Variants in MYO18B observed in about 807,000 individuals in gnomAD.
MYO18B encodes myosin XVIIIB, also known as unconventional myosin-XVIIIb.
MYO18B carries 204 observed loss-of-function variants against 273.0 expected under a neutral mutation model. That is an observed-to-expected ratio of 0.75 (90% CI 0.67 to 0.84). MYO18B has a LOEUF of 0.84. Among genes scored for constraint, MYO18B ranks in the 40% least tolerant of loss-of-function variants. MYO18B has a pLI of 0.00. For missense variants in MYO18B, 3,212 were observed against 3,287.6 expected, an observed-to-expected ratio of 0.98 and a Z score of 0.56; for synonymous variants, 1,330 against 1,305.7, an observed-to-expected ratio of 1.02 and a Z score of -0.40.
chr22:25,925,311 GGGGGGAACCATA>G (rs1366920274), intron 34 of MYO18B, among the ~76,000 whole-genome samples: 2 of 151,130 alleles, frequency 1.3e-5, no homozygotes, highest in African/African-American at 2.4e-5. Flanking sequence ...AAGGGGTTCT[GGGGGGAACCATA>G]GGCTTTATTT....
At position 26,027,587 on chromosome 22, in the gene MYO18B, G is replaced by A. The variant is rs746126790; in HGVS notation, c.7613G>A (p.Gly2538Asp). The change falls in exon 43 of 44, where the codon GGC (glycine) becomes GAC (aspartate). Residue 2538 changes from glycine to aspartate, a missense_variant. Gly to Asp is a moderately conservative substitution (Grantham distance 94). Transcript: ENST00000335473. This position sits in a 1 kb window ranked among gnomAD's most constrained non-coding sequence, Gnocchi z 4.1. The stretch of plus-strand genomic sequence containing the variant: ...ATCCCACGACTTGCGGGTGACGGTG[G>A]CGAGCGAACGTCCCCCGAGCGGAGA... The part of the protein sequence containing the change: ...PGIPRLAGDG[G>D]ERTSPERREP... 4 of 1,613,990 alleles carry A rather than the reference G, an allele frequency of 2.5e-6. No homozygotes were observed. The highest frequency in any genetic ancestry group is 1.3e-5 in the African/African-American group (1 of 75,038).
At chr22:25,763,009 G>A (rs887254249) in intron 2 of MYO18B, 20 of 718,432 alleles carry the variant, frequency 2.8e-5, no homozygotes, top group South Asian at 1.5e-4. Context: ...ACATTGACCC[G>A]CATAATTCCT....
chr22:25,751,093 C>T (rs1050111877), intron 1 of MYO18B, among the ~76,000 whole-genome samples: 8 of 152,230 alleles, frequency 5.3e-5, no homozygotes, highest in Non-Finnish European at 1.2e-4. Flanking sequence ...GAATCCACCT[C>T]TTCGGATGGA....
intron 12 of MYO18B, among the ~76,000 whole-genome samples, chr22:25,802,433 T>A (rs755465380): frequency 2.6e-5 from 4 of 152,094 alleles, no homozygotes; most frequent in Admixed American, 6.6e-5. Flanking sequence ...AATCTCCAGC[T>A]CTTCTGTCAC....
chr22:25,842,895 A>C (rs979503943), intron 17 of MYO18B, among the ~76,000 whole-genome samples: 9 of 152,122 alleles, frequency 5.9e-5, no homozygotes, highest in Non-Finnish European at 8.8e-5. Context: ...CATAAACAAC[A>C]CTTTGTGATT....
chr22:25,880,681 A>T (rs1479450142), intron 25 of MYO18B, among the ~76,000 whole-genome samples: 1 of 152,260 alleles, frequency 6.6e-6, no homozygotes, highest in Admixed American at 6.5e-5. Context: ...GAAGGAGGGA[A>T]AGTCCCTGTC....
chr22:25,750,554 T>C (rs1453276408), intron 1 of MYO18B, among the ~76,000 whole-genome samples: 1 of 152,182 alleles, frequency 6.6e-6, no homozygotes, highest in Non-Finnish European at 1.5e-5. Flanking sequence ...AGCTCCATGC[T>C]GGTGTTCTCA....
chr22:26,044,947 G>A, the MYO18B span, among the ~76,000 whole-genome samples: 1 of 152,154 alleles, frequency 6.6e-6, no homozygotes, highest in Admixed American at 6.5e-5. Context: ...GTGGCAAATT[G>A]TAATCATGGC....
chr22:25,896,889 CTG>C (rs1569164403), intron 28 of MYO18B: 1 of 152,158 alleles, frequency 6.6e-6, no homozygotes, highest in East Asian at 1.9e-4. Flanking sequence ...AGAATTAGCT[CTG>C]TGCATCTCTT....
intron 13 of MYO18B, among the ~76,000 whole-genome samples, chr22:25,824,518 C>T (rs2089416384): frequency 6.6e-6 from 1 of 152,160 alleles, no homozygotes; most frequent in African/African-American, 2.4e-5. Context: ...TCTGCAGCCT[C>T]TGTGCATCTT....
chr22:25,745,152 C>T (rs2085740206), intron 1 of MYO18B, among the ~76,000 whole-genome samples: 1 of 152,190 alleles, frequency 6.6e-6, no homozygotes, highest in African/African-American at 2.4e-5. Context: ...CTCTATCACC[C>T]AGGCTGGTGT....
chr22:25,860,464 C>A (rs1473958927), intron 21 of MYO18B, among the ~76,000 whole-genome samples: 3 of 151,928 alleles, frequency 2.0e-5, no homozygotes, highest in Non-Finnish European at 4.4e-5. Context: ...AATCCTTCTC[C>A]TCTTCCAATA....
chr22:25,910,150 G>A (rs530854157), intron 32 of MYO18B, among the ~76,000 whole-genome samples: 1 of 152,346 alleles, frequency 6.6e-6, no homozygotes, highest in East Asian at 1.9e-4. Flanking sequence ...TCAGATGTCT[G>A]AGTTCAGGCT....
At chr22:25,950,013 T>C (rs1408659949) in intron 36 of MYO18B, among the ~76,000 whole-genome samples, 1 of 152,150 alleles carries the variant, frequency 6.6e-6, no homozygotes, top group African/African-American at 2.4e-5. Flanking sequence ...AAGGCCAGGG[T>C]CCAGGTCTAG....
At chr22:26,028,763 C>T (rs1936479436) in intron 43 of MYO18B, among the ~76,000 whole-genome samples, 3 of 152,022 alleles carry the variant, frequency 2.0e-5, no homozygotes, top group Non-Finnish European at 2.9e-5. Context: ...TAGCGGGTGC[C>T]TGTAGTCCCA....
chr22:25,776,180 G>A (rs1336411357), intron 7 of MYO18B, among the ~76,000 whole-genome samples: 2 of 152,366 alleles, frequency 1.3e-5, no homozygotes, highest in African/African-American at 4.8e-5. Context: ...GCAGCACAAT[G>A]CATTGGAGAT....
intron 12 of MYO18B, among the ~76,000 whole-genome samples, chr22:25,799,121 G>T (rs1322372465): frequency 2.5e-5 from 3 of 118,540 alleles, no homozygotes; most frequent in Non-Finnish European, 5.3e-5. Flanking sequence ...ACCTTATGCG[G>T]TGTTTACGTT....
chr22:25,911,326 T>G lies in MYO18B; in HGVS notation c.5364+276T>G, dbSNP rs529940367. On this transcript the variant is annotated intron_variant, in intron 33 of 43. Coordinates refer to ENST00000335473, the MANE Select transcript of MYO18B (RefSeq NM_032608.7). ...GTTGGGATCAGAGTCCACCAGACAG[T>G]CCTTCCTTTAAGGGGATGTATGTGA... 2.0e-4 allele frequency among the ~76,000 whole-genome samples: 30 copies of G among 152,338 alleles called. 1 individual carries two copies. Among genetic ancestry groups the G allele is most frequent in the Admixed American group, 7.8e-4 (12 of 15,308 alleles).
intron 1 of MYO18B, among the ~76,000 whole-genome samples, chr22:25,745,585 T>C (rs1217033923): frequency 6.6e-6 from 1 of 152,062 alleles, no homozygotes; most frequent in Non-Finnish European, 1.5e-5. Flanking sequence ...GCCTGACTCA[T>C]CCAGTTTCAT....
Sources: gnomAD v4.1 joint callset for allele counts (sites outside exome capture counted in the v4.1 genomes callset) on GRCh38, gnomAD v4.1.1 for gene constraint, Gnocchi (gnomAD v3.1) non-coding constraint, MANE v1.5 for transcripts, NCBI Gene and HGNC (gene_info 2026-07-23, HGNC 2026-07-21) for gene names.